CAMK2D: variants seen among roughly 807,000 people sequenced by gnomAD.
CAMK2D encodes the protein calcium/calmodulin dependent protein kinase II delta.
In CAMK2D, 37 loss-of-function variants were observed where a neutral mutation model predicts 84.0. The ratio of observed to expected loss-of-function variants is 0.44; its 90% CI spans 0.34 to 0.58. The LOEUF (loss-of-function observed/expected upper bound fraction) is 0.58. CAMK2D is among the 20% of genes least tolerant of loss of function. The probability of loss-of-function intolerance (pLI) is 0.02; values close to 1 mark genes in which losing one functional copy is unlikely to be tolerated. For missense variants in CAMK2D, 448 were observed against 652.5 expected (o/e 0.69, Z 3.41); for synonymous variants, 202 against 212.5 (o/e 0.95, Z 0.43).
chr4:113,636,541 G>A (rs1487727547), intron 3 of CAMK2D, among the ~76,000 whole-genome samples: 2 of 152,142 alleles, frequency 1.3e-5, no homozygotes, highest in Non-Finnish European at 2.9e-5. Context: ...CCATTAGACT[G>A]GTGGCTTACA....
intron 16 of CAMK2D, among the ~76,000 whole-genome samples, chr4:113,469,054 C>T (rs540555052): frequency 1.3e-5 from 2 of 152,270 alleles, no homozygotes; most frequent in East Asian, 3.9e-4. Flanking sequence ...CAATTATGCA[C>T]AAAGAATTGG....
chr4:113,459,207 T>C (rs1465251331), intron 18 of CAMK2D, among the ~76,000 whole-genome samples: 1 of 152,146 alleles, frequency 6.6e-6, no homozygotes, highest in Non-Finnish European at 1.5e-5. Flanking sequence ...TTTTTCCTCC[T>C]ATTTTTTCTT....
At chr4:113,608,316 C>T (rs1165617871) in intron 4 of CAMK2D, among the ~76,000 whole-genome samples, 2 of 152,154 alleles carry the variant, frequency 1.3e-5, no homozygotes, top group Non-Finnish European at 2.9e-5. Context: ...TTAAATCTTT[C>T]CCAAAACTCT....
At chr4:113,661,219 T>C (rs2099230356) in intron 3 of CAMK2D, among the ~76,000 whole-genome samples, 1 of 152,238 alleles carries the variant, frequency 6.6e-6, no homozygotes, top group East Asian at 1.9e-4. Flanking sequence ...TTTCAAAAAA[T>C]TGTTATACTT....
At position 113,514,940 on chromosome 4, in the gene CAMK2D, C is replaced by T. The variant is rs548414828; in HGVS notation, c.819+129G>A. ...ATAAAATTAATTTTCTTAAACACCTCGAGTCAAAAATTCATTCATTCTGAG... is the reference window on the plus strand; with the variant it reads ...ATAAAATTAATTTTCTTAAACACCTTGAGTCAAAAATTCATTCATTCTGAG... On this transcript the variant is annotated intron_variant, in intron 10 of 20. Coordinates refer to ENST00000511664, the MANE Select transcript of CAMK2D (RefSeq NM_001321571.2). 3.3e-5 allele frequency: 29 copies of T among 890,206 alleles called. No homozygotes were observed. In the Middle Eastern group the frequency reaches 7.3e-4, roughly 22 times the overall value. 55.1% of individuals were successfully genotyped at this position (890,206 alleles called of 1,614,324 possible). A position where few individuals can be genotyped will look rare whatever the true frequency, so the allele number is the denominator to read the frequency against.
intron 2 of CAMK2D, among the ~76,000 whole-genome samples, chr4:113,694,611 C>A (rs527698846): frequency 3.3e-5 from 5 of 152,240 alleles, no homozygotes; most frequent in Non-Finnish European, 7.4e-5. Context: ...GGGTATTGGA[C>A]AGATAGGAGG....
intron 10 of CAMK2D, among the ~76,000 whole-genome samples, chr4:113,514,345 G>A (rs1306192397): frequency 6.6e-6 from 1 of 152,164 alleles, no homozygotes; most frequent in Non-Finnish European, 1.5e-5. Context: ...CCTGGGAGGT[G>A]GAGGTTGCAG....
intron 4 of CAMK2D, among the ~76,000 whole-genome samples, chr4:113,589,683 G>GC (rs2098852338): frequency 6.6e-6 from 1 of 152,146 alleles, no homozygotes. Context: ...AATTTGAGAT[G>GC]CCAATTAGAC....
chr4:113,749,137 CAT>C lies in CAMK2D; in HGVS notation c.160+10181_160+10182del, dbSNP rs147039646. ...TACTTTTATGAAAAGAATATTTTCT[CAT>C]ATATAATAGCTATAAATAGAATGTA... On this transcript the variant is annotated intron_variant, in intron 2 of 20. Transcript: ENST00000511664. Among the ~76,000 whole-genome samples, 558 of 151,108 alleles carry C rather than the reference CAT, an allele frequency of 3.7e-3. 3 individuals carry two copies. The highest frequency in any genetic ancestry group is 0.013 in the African/African-American group (534 of 41,314).
intron 8 of CAMK2D, among the ~76,000 whole-genome samples, chr4:113,523,956 C>T (rs866926007): frequency 1.3e-5 from 2 of 151,994 alleles, no homozygotes; most frequent in Non-Finnish European, 2.9e-5. Context: ...CTCAACTTCC[C>T]TGACTCAAAT....
chr4:113,498,143 C>T (rs2097968120), intron 16 of CAMK2D, among the ~76,000 whole-genome samples: 1 of 152,120 alleles, frequency 6.6e-6, no homozygotes, highest in Non-Finnish European at 1.5e-5. Context: ...CATTCCCTAC[C>T]AAGCTACTGA....
intron 17 of CAMK2D, 85 bp downstream of exon 17, chr4:113,465,443 GT>G: frequency 1.3e-6 from 1 of 783,442 alleles, no homozygotes; most frequent in Non-Finnish European, 2.2e-6. Context: ...TTAAATATAT[GT>G]GAATTCAGAC....
chr4:113,689,090 C>G (rs1006386436), intron 2 of CAMK2D, among the ~76,000 whole-genome samples: 30 of 151,566 alleles, frequency 2.0e-4, no homozygotes, highest in African/African-American at 7.3e-4. Context: ...TAAAAAAATA[C>G]AAAAAACTAG....
chr4:113,471,254 C>A (rs566745613), intron 16 of CAMK2D, among the ~76,000 whole-genome samples: 2 of 152,142 alleles, frequency 1.3e-5, no homozygotes, highest in Non-Finnish European at 2.9e-5. Context: ...CTTAGCACTT[C>A]TGATGATGTT....
Position 113,680,727 on chromosome 4 carries a change from T to C in CAMK2D, c.161-18955A>G, listed in dbSNP as rs1273211357. On this transcript the variant is annotated intron_variant, in intron 2 of 20. Coordinates refer to ENST00000511664, the MANE Select transcript of CAMK2D (RefSeq NM_001321571.2). ...GCCTAGTCACATAGAACAAACGTTC[T>C]TTGTGTTATGGAAAAACCTGTCCTT... 2.6e-5 allele frequency among the ~76,000 whole-genome samples: 4 copies of C among 152,220 alleles called. No homozygotes were observed. In the South Asian group the frequency reaches 8.3e-4, roughly 31 times the overall value.
intron 2 of CAMK2D, among the ~76,000 whole-genome samples, chr4:113,753,397 T>TA (rs1315658520): frequency 1.3e-5 from 2 of 152,016 alleles, no homozygotes; most frequent in East Asian, 3.9e-4. Context: ...CTCAGGTAAC[T>TA]AAAAAAATCA....
At chr4:113,520,170 C>T (rs1488056824) in intron 8 of CAMK2D, among the ~76,000 whole-genome samples, 1 of 152,030 alleles carries the variant, frequency 6.6e-6, no homozygotes, top group Non-Finnish European at 1.5e-5. Flanking sequence ...CTTTGGGAGG[C>T]CAAAACGGGC....
chr4:113,504,470 A>G (rs17046113), intron 14 of CAMK2D, among the ~76,000 whole-genome samples: 4,262 of 152,342 alleles, frequency 0.028, 171 homozygotes, highest in African/African-American at 0.096. Context: ...TTTATCTCAG[A>G]AAGTGAAGTC....
At chr4:113,672,073 T>C (rs560981539) in intron 2 of CAMK2D, among the ~76,000 whole-genome samples, 100 of 152,026 alleles carry the variant, frequency 6.6e-4, no homozygotes, top group Non-Finnish European at 1.1e-3. Context: ...TGAGAATGTA[T>C]TGTTTAAATT....
Sources: gnomAD v4.1 joint callset for allele counts (sites outside exome capture counted in the v4.1 genomes callset) on GRCh38, gnomAD v4.1.1 for gene constraint, MANE v1.5 for transcripts, NCBI Gene and HGNC (gene_info 2026-07-23, HGNC 2026-07-21) for gene names.